CCDC57: variants seen among roughly 807,000 people sequenced by gnomAD.
CCDC57 encodes coiled-coil domain containing 57, also known as coiled-coil domain-containing protein 57.
In CCDC57, 118 loss-of-function variants were observed where a neutral mutation model predicts 118.9. That is an observed-to-expected ratio of 0.99 (90% CI 0.86 to 1.16). CCDC57 has a LOEUF of 1.16. Ranked by LOEUF, CCDC57 falls within the 50% of genes most tolerant of loss-of-function variation. The probability of loss-of-function intolerance (pLI) is 0.00; values close to 1 mark genes in which losing one functional copy is unlikely to be tolerated. For synonymous variants in CCDC57, 527 were observed against 532.9 expected, an observed-to-expected ratio of 0.99 and a Z score of 0.15; for missense variants, 1,300 against 1,320.7, an observed-to-expected ratio of 0.98 and a Z score of 0.24.
chr17:82,151,625 C>T (rs191173865), exon 16 of CCDC57: 31 of 1,550,400 alleles, frequency 2.0e-5, no homozygotes, highest in Admixed American at 5.9e-5. Context: ...TTTCTCCAGG[C>T]GGAGGCTGAT....
chr17:82,191,858 G>T (rs2047703103), intron 7 of CCDC57, among the ~76,000 whole-genome samples: 1 of 151,966 alleles, frequency 6.6e-6, no homozygotes, highest in Non-Finnish European at 1.5e-5. Flanking sequence ...TGTAGAGAAG[G>T]GGTTTTGCTA....
intron 19 of CCDC57, among the ~76,000 whole-genome samples, chr17:82,120,214 C>T (rs1272282707): frequency 2.0e-5 from 3 of 150,588 alleles, no homozygotes. Flanking sequence ...TGGTCTTGAA[C>T]TCCTGGGCTC....
intron 19 of CCDC57, among the ~76,000 whole-genome samples, chr17:82,103,622 CT>C (rs1169109812): frequency 2.0e-5 from 3 of 152,254 alleles, no homozygotes; most frequent in African/African-American, 4.8e-5. Flanking sequence ...GGTTGTCCCT[CT>C]GTAATGCTCA....
chr17:82,183,769 G>A lies in CCDC57; in HGVS notation c.1211+5C>T, dbSNP rs1487187210. The A allele has an allele frequency of 6.4e-7, 1 of 1,553,710 alleles. No individual in the cohort carries two copies. The highest frequency in any genetic ancestry group is 1.4e-5 in the African/African-American group (1 of 73,230). On this transcript the variant is annotated splice_donor_5th_base_variant and intron_variant, in intron 9 of 19. Transcript: ENST00000665763. ...CAATGGAAACATCTGCCTGGGGACA[G>A]TTACCTTTCAATGTCCTGCTGGGAT...
rs956490548 is a variant in CCDC57 at position 82,178,876 on chromosome 17, TTTTATTACTCTAA to T, written c.1374+138_1374+150del. ...AGGCGGGTGGACAGGCGGGGTGCAT[TTTTATTACTCTAA>T]TTTATTACTCTAATTACTCAGTGAG... On this transcript the variant is annotated intron_variant, in intron 10 of 19. Coordinates refer to ENST00000665763, the Ensembl canonical transcript of CCDC57. The T allele has an allele frequency of 1.3e-4, 129 of 974,656 alleles. No individual in the cohort carries two copies. In the African/African-American group the frequency reaches 1.5e-3, roughly 11 times the overall value. The allele number at this position is 974,656 out of a possible 1,614,324, so 60.4% of individuals were successfully genotyped here. A position where few individuals can be genotyped will look rare whatever the true frequency, so the allele number is the denominator to read the frequency against.
rs149342583 is a variant in CCDC57, at chr17:82,153,048, G to A, written c.2242-1275C>T. The stretch of plus-strand genomic sequence containing the variant: ...CAGGCCTGAGCCCGAGTCCAGACTC[G>A]CTTCCTCCAGTAAGCGGGCCTCATG... On this transcript the variant is annotated intron_variant, in intron 15 of 19. Transcript: ENST00000665763. 1.9e-4 allele frequency among the ~76,000 whole-genome samples: 29 copies of A among 152,352 alleles called. No individual in the cohort carries two copies. The East Asian group carries it at 3.5e-3, about 18-fold the overall frequency.
chr17:82,125,790 A>C (rs774314417), intron 19 of CCDC57, among the ~76,000 whole-genome samples: 4 of 152,350 alleles, frequency 2.6e-5, no homozygotes, highest in African/African-American at 9.6e-5. Flanking sequence ...CCAGACATGT[A>C]AAAGGACCAG....
chr17:82,188,509 G>A (rs765493094), intron 7 of CCDC57, 90 bp from the exon 7 acceptor site: 27 of 1,274,100 alleles, frequency 2.1e-5, no homozygotes, highest in Non-Finnish European at 2.7e-5. Context: ...GCCCTGTCTC[G>A]TGCACAGGTG....
chr17:82,167,669 A>G (rs1222985891), intron 13 of CCDC57, among the ~76,000 whole-genome samples: 1 of 151,904 alleles, frequency 6.6e-6, no homozygotes, highest in Non-Finnish European at 1.5e-5. Flanking sequence ...CATTTTTAAT[A>G]GGGGTTTCAC....
At chr17:82,153,270 G>T (rs2042283202) in intron 15 of CCDC57, among the ~76,000 whole-genome samples, 1 of 152,166 alleles carries the variant, frequency 6.6e-6, no homozygotes, top group Non-Finnish European at 1.5e-5. Flanking sequence ...CGCAAGTCCG[G>T]TTCTAAAACC....
At chr17:82,174,744 T>C (rs1359614921) in intron 11 of CCDC57, among the ~76,000 whole-genome samples, 2 of 152,254 alleles carry the variant, frequency 1.3e-5, no homozygotes, top group African/African-American at 4.8e-5. Flanking sequence ...TTGCTTTTTG[T>C]AACCATTTGT....
rs1278558551 is a variant in CCDC57, at chr17:82,212,321, C to A, written c.-211+464G>T. On this transcript the variant is annotated intron_variant, in intron 1 of 19. Transcript: ENST00000665763. This position sits in a 1 kb window ranked among gnomAD's most constrained non-coding sequence, Gnocchi z 4.1. ...CTGGTCTCGAACTCCGGGCCTCAAG[C>A]AATCTGCCCGCCTCTGCCTCCCAAA... Among the ~76,000 whole-genome samples, 1 of 151,472 alleles carries A rather than the reference C, an allele frequency of 6.6e-6. No individual in the cohort carries two copies. The highest frequency in any genetic ancestry group is 2.4e-5 in the African/African-American group (1 of 41,188).
At chr17:82,150,799 T>A (rs1216461626) in intron 16 of CCDC57, among the ~76,000 whole-genome samples, 23 of 73,470 alleles carry the variant, frequency 3.1e-4, no homozygotes, top group African/African-American at 9.6e-4. Context: ...ACCCAGAACC[T>A]GACCCACACC....
rs577394667 is a variant in CCDC57 at position 82,174,956 on chromosome 17, C to T, written c.1507-2096G>A. ...GCCGGCTTAAATAAAGGACTCAATTCGTTTCAGAGTGTGGCGTCTTCTCTA... is the reference window on the plus strand; with the variant it reads ...GCCGGCTTAAATAAAGGACTCAATTTGTTTCAGAGTGTGGCGTCTTCTCTA... On this transcript the variant is annotated intron_variant, in intron 11 of 19. Coordinates refer to ENST00000665763, the Ensembl canonical transcript of CCDC57. Among the ~76,000 whole-genome samples the T allele has an allele frequency of 1.6e-4, 24 of 152,290 alleles. No individual in the cohort carries two copies. The South Asian group carries it at 3.9e-3, about 25-fold the overall frequency.
intron 5 of CCDC57, 100 bp from the exon 5 acceptor site, chr17:82,194,239 G>T: frequency 8.1e-7 from 1 of 1,232,974 alleles, no homozygotes; most frequent in Non-Finnish European, 1.1e-6. Flanking sequence ...GGAGGGAGAA[G>T]AAAAATGAAA....
In CCDC57 at chr17:82,109,752, G is replaced by C. The variant is rs142558550; in HGVS notation, c.2900-7886C>G. ...GGCACCTGTAGTCCCACTTACTCGG[G>C]AGGCTGAGGCAGGAGAATGGTGTGA... is the stretch of plus-strand genomic sequence containing the variant. On this transcript the variant is annotated intron_variant, in intron 19 of 19. Transcript: ENST00000665763. Among the ~76,000 whole-genome samples the C allele has an allele frequency of 2.6e-3, 388 of 151,904 alleles. 1 individual carries two copies. Among genetic ancestry groups the C allele is most frequent in the African/African-American group, 9.3e-3 (384 of 41,442 alleles).
chr17:82,173,283 G>A (rs907592646), intron 11 of CCDC57, among the ~76,000 whole-genome samples: 1 of 152,176 alleles, frequency 6.6e-6, no homozygotes, highest in African/African-American at 2.4e-5. Flanking sequence ...AGTTAAAGCA[G>A]CCAGTTTTGC....
chr17:82,150,510 C>T (rs567490588), intron 16 of CCDC57, among the ~76,000 whole-genome samples: 28 of 132,062 alleles, frequency 2.1e-4, no homozygotes, highest in African/African-American at 8.1e-4. Flanking sequence ...CACCCAGAAC[C>T]AGGCGCACAC....
rs1206829276 is a variant in CCDC57 at position 82,172,764 on chromosome 17, T to C, written c.1603A>G (p.Ile535Val). 3 of 1,612,602 alleles carry C rather than the reference T, an allele frequency of 1.9e-6. No individual in the cohort carries two copies. The highest frequency in any genetic ancestry group is 1.7e-6 in the Non-Finnish European group (2 of 1,179,414). ...TCCATTTCTTTCCTCATCTGGGCAATCGCGTTTCGCAAGCTCGTGTTCTGC... is the reference window on the plus strand; with the variant it reads ...TCCATTTCTTTCCTCATCTGGGCAACCGCGTTTCGCAAGCTCGTGTTCTGC... Residue 535 changes from isoleucine to valine, a missense_variant, in exon 12 of 20, where the codon ATT (isoleucine) becomes GTT (valine). Ile to Val is a conservative substitution (Grantham distance 29). Coordinates refer to ENST00000665763, the Ensembl canonical transcript of CCDC57. This position sits in a 1 kb window ranked among gnomAD's most constrained non-coding sequence, Gnocchi z 5.2.
Sources: gnomAD v4.1 joint callset for allele counts (sites outside exome capture counted in the v4.1 genomes callset) on GRCh38, gnomAD v4.1.1 for gene constraint, Gnocchi (gnomAD v3.1) non-coding constraint, MANE v1.5 for transcripts, NCBI Gene and HGNC (gene_info 2026-07-23, HGNC 2026-07-21) for gene names.